CLEC16A: variants seen among roughly 807,000 people sequenced by gnomAD.
The protein encoded by CLEC16A is C-type lectin domain containing 16A, also known as protein CLEC16A.
Under a neutral mutation model 109.5 loss-of-function variants are expected in CLEC16A, and 51 were observed. That is an observed-to-expected ratio of 0.47 (90% CI 0.37 to 0.59). The LOEUF is 0.59. Ranked by LOEUF, CLEC16A falls within the 20% of genes least tolerant of loss-of-function variation. CLEC16A has a pLI of 0.00. For synonymous variants in CLEC16A, 673 were observed against 564.2 expected, an observed-to-expected ratio of 1.19 and a Z score of -2.73; for missense variants, 1,339 against 1,394.0, an observed-to-expected ratio of 0.96 and a Z score of 0.63.
intron 19 of CLEC16A, among the ~76,000 whole-genome samples, chr16:11,115,182 C>T (rs933365587): frequency 5.3e-5 from 8 of 152,208 alleles, no homozygotes; most frequent in African/African-American, 1.9e-4. Flanking sequence ...ATCAAACTCT[C>T]AGATGAACTT....
At chr16:11,115,276 TAGAA>T (rs1187671410) in intron 19 of CLEC16A, among the ~76,000 whole-genome samples, 6 of 152,178 alleles carry the variant, frequency 3.9e-5, no homozygotes, top group African/African-American at 1.2e-4. Flanking sequence ...GGAAGGAGGA[TAGAA>T]AGAGAAAGAA....
At chr16:10,964,793 CA>C (rs1263073260) in intron 3 of CLEC16A, among the ~76,000 whole-genome samples, 14 of 151,958 alleles carry the variant, frequency 9.2e-5, no homozygotes, top group Admixed American at 8.5e-4. Flanking sequence ...TACATATACA[CA>C]AAAAAATGTG....
chr16:11,129,107 C>T (rs1475324336), intron 22 of CLEC16A, among the ~76,000 whole-genome samples: 1 of 152,166 alleles, frequency 6.6e-6, no homozygotes, highest in African/African-American at 2.4e-5. Context: ...GCCTTGCCAG[C>T]CCCTGCTGCT....
chr16:11,042,171 G>A (rs2047372358), intron 14 of CLEC16A, 83 bp from the exon 15 acceptor site: 4 of 999,694 alleles, frequency 4.0e-6, no homozygotes, highest in African/African-American at 3.2e-5. Context: ...TGACCTGCTA[G>A]CCTCAACGTG....
chr16:11,002,262 G>C (rs1221655740), intron 10 of CLEC16A, among the ~76,000 whole-genome samples: 1 of 152,182 alleles, frequency 6.6e-6, no homozygotes, highest in Non-Finnish European at 1.5e-5. Context: ...AACAGCATCT[G>C]ACACATAAGA....
intron 9 of CLEC16A, among the ~76,000 whole-genome samples, chr16:10,981,579 T>C (rs982972152): frequency 2.0e-5 from 3 of 152,244 alleles, no homozygotes; most frequent in African/African-American, 7.2e-5. Context: ...GTGAAAAGTC[T>C]CTCTCACTCT....
At position 11,178,390 on chromosome 16, in the gene CLEC16A, C is replaced by T. The variant is rs766801240; in HGVS notation, c.2862C>T (p.Ile954=). 8 of 1,613,716 alleles carry T rather than the reference C, an allele frequency of 5.0e-6. No individual in the cohort carries two copies. The highest frequency in any genetic ancestry group is 4.4e-5 in the South Asian group (4 of 91,074). ...PKPHLPDQLV[I]VNETEADSKP... ...CTCACCTTCCTGACCAGTTGGTAAT[C>T]GTCAACGAAACGGAAGCAGACTCTA... The change falls in exon 24 of 24, where the codon ATC becomes ATT. Residue 954 remains isoleucine, a synonymous_variant. Coordinates refer to ENST00000409790, the MANE Select transcript of CLEC16A (RefSeq NM_015226.3). This position sits in a 1 kb window ranked among gnomAD's most constrained non-coding sequence, Gnocchi z 6.5.
At chr16:11,086,693 C>T (rs2050029430) in intron 19 of CLEC16A, among the ~76,000 whole-genome samples, 1 of 152,152 alleles carries the variant, frequency 6.6e-6, no homozygotes, top group Non-Finnish European at 1.5e-5. Flanking sequence ...CAGGCGCCTG[C>T]CACCATGCCT....
intron 19 of CLEC16A, among the ~76,000 whole-genome samples, chr16:11,110,706 G>A (rs1405345670): frequency 2.0e-5 from 3 of 152,130 alleles, no homozygotes; most frequent in Non-Finnish European, 4.4e-5. Context: ...TGCATGCTGG[G>A]CACAGCCCCA....
intron 4 of CLEC16A, among the ~76,000 whole-genome samples, chr16:10,970,038 C>G (rs1391487033): frequency 6.6e-6 from 1 of 152,182 alleles, no homozygotes; most frequent in East Asian, 1.9e-4. Context: ...AAATAAATTG[C>G]TCCTGTCCTC....
chr16:11,012,562 T>A (rs969620666), intron 11 of CLEC16A, among the ~76,000 whole-genome samples: 2 of 119,170 alleles, frequency 1.7e-5, no homozygotes, highest in South Asian at 5.6e-4. Context: ...GCCACTGCAC[T>A]CCAGCCTGGG....
At position 11,104,217 on chromosome 16, in the gene CLEC16A, T is replaced by G. The variant is rs569891572; in HGVS notation, c.2117-16398T>G. ...TCTGCCTCCTGGGCTCAAGCAGTCC[T>G]CCTGCCTCAGCCTTCCAAGTACCTG... On this transcript the variant is annotated intron_variant, in intron 19 of 23. Transcript: ENST00000409790. 1.8e-3 allele frequency among the ~76,000 whole-genome samples: 267 copies of G among 152,154 alleles called. 1 individual carries two copies. The highest frequency in any genetic ancestry group is 6.2e-3 in the African/African-American group (258 of 41,494).
At chr16:11,098,155 A>G (rs1359147075) in intron 19 of CLEC16A, among the ~76,000 whole-genome samples, 1 of 152,238 alleles carries the variant, frequency 6.6e-6, no homozygotes, top group Non-Finnish European at 1.5e-5. Flanking sequence ...CCACCGCTCT[A>G]GGGATTAACC....
At chr16:10,945,853 A>AT (rs1263257552) in intron 1 of CLEC16A, among the ~76,000 whole-genome samples, 1 of 151,938 alleles carries the variant, frequency 6.6e-6, no homozygotes, top group Non-Finnish European at 1.5e-5. Context: ...ATTATTCTTT[A>AT]TTTTTTATTT....
At chr16:10,974,789 A>G (rs2042959741) in intron 7 of CLEC16A, among the ~76,000 whole-genome samples, 1 of 152,238 alleles carries the variant, frequency 6.6e-6, no homozygotes, top group Non-Finnish European at 1.5e-5. Flanking sequence ...TTAACTATAG[A>G]AAGAACAAAG....
chr16:11,086,071 C>G (rs1466947289), intron 19 of CLEC16A, among the ~76,000 whole-genome samples: 2 of 152,224 alleles, frequency 1.3e-5, no homozygotes, highest in African/African-American at 4.8e-5. Context: ...GAGCGCAGAG[C>G]CACTGTTTGT....
intron 13 of CLEC16A, among the ~76,000 whole-genome samples, chr16:11,036,335 C>T (rs1256403422): frequency 6.6e-6 from 1 of 151,980 alleles, no homozygotes; most frequent in African/African-American, 2.4e-5. Context: ...TGGGTCTGCT[C>T]CACTCCCTGC....
At chr16:11,036,532 G>C (rs1357223833) in intron 13 of CLEC16A, among the ~76,000 whole-genome samples, 1 of 138,408 alleles carries the variant, frequency 7.2e-6, no homozygotes, top group Admixed American at 7.3e-5. Context: ...GTGTTCTTTT[G>C]TTCTAATTTT....
chr16:11,166,375 C>T lies in CLEC16A; in HGVS notation c.2642-13C>T. On this transcript the variant is annotated splice_polypyrimidine_tract_variant and intron_variant, in intron 22 of 23. Coordinates refer to ENST00000409790, the MANE Select transcript of CLEC16A (RefSeq NM_015226.3). ...TTTGCTTCCACTTGGTCACCTGGTA[C>T]TTTGTCTTGCAGGCTTCGCCGTGGC... The T allele has an allele frequency of 6.3e-7, 1 of 1,588,476 alleles. No homozygotes were observed. Among genetic ancestry groups the T allele is most frequent in the Middle Eastern group, 1.7e-4 (1 of 6,012 alleles).
Sources: gnomAD v4.1 joint callset for allele counts (sites outside exome capture counted in the v4.1 genomes callset) on GRCh38, gnomAD v4.1.1 for gene constraint, Gnocchi (gnomAD v3.1) non-coding constraint, MANE v1.5 for transcripts, NCBI Gene and HGNC (gene_info 2026-07-23, HGNC 2026-07-21) for gene names.